WWOX: variants seen among roughly 807,000 people sequenced by gnomAD.
WWOX encodes the protein WW domain containing oxidoreductase, also known as WW domain-containing oxidoreductase.
A neutral mutation model predicts 46.2 loss-of-function variants in WWOX; 69 were observed. That is an observed-to-expected ratio of 1.49 (90% CI 1.23 to 1.82). WWOX has a LOEUF of 1.82. Ranked by LOEUF, WWOX falls within the 40% of genes most tolerant of loss-of-function variation. The pLI is 0.00. For missense variants in WWOX, 919 were observed against 542.6 expected (o/e 1.69, Z -6.89); for synonymous variants, 359 against 202.6 (o/e 1.77, Z -6.56).
chr16:78,862,130 C>T (rs28544572), intron 8 of WWOX, among the ~76,000 whole-genome samples: 2 of 151,462 alleles, frequency 1.3e-5, no homozygotes, highest in South Asian at 2.1e-4. Context: ...GTGTGTCTAT[C>T]TATATCTATA....
rs139370836 is a variant in WWOX at position 78,546,868 on chromosome 16, C to T, written c.1056+114116C>T. 1.4e-4 allele frequency among the ~76,000 whole-genome samples: 21 copies of T among 152,102 alleles called. No individual in the cohort carries two copies. In the South Asian group the frequency reaches 1.7e-3, roughly 12 times the overall value. On this transcript the variant is annotated intron_variant, in intron 8 of 8. Coordinates refer to ENST00000566780, the MANE Select transcript of WWOX (RefSeq NM_016373.4). ...TGGGCCAGGCCCGGTGGCTCATGCC[C>T]GTAATCTTAGCACTTTGGGAGGCTG...
At chr16:78,489,753 G>A (rs1205399168) in intron 8 of WWOX, among the ~76,000 whole-genome samples, 1 of 152,010 alleles carries the variant, frequency 6.6e-6, no homozygotes, top group African/African-American at 2.4e-5. Flanking sequence ...ATGGCTCAAG[G>A]GGAGTTTGGA....
chr16:79,186,719 A>G lies in WWOX; in HGVS notation c.1057-24889A>G, dbSNP rs185112136. 4.6e-5 allele frequency among the ~76,000 whole-genome samples: 7 copies of G among 152,108 alleles called. No individual in the cohort carries two copies. In the East Asian group the frequency reaches 1.4e-3, roughly 29 times the overall value. ...CTCCTGTAAACAGTACAGTTGCCATACCTCAAGTATCTAGTATACTTGGGA... is the reference window on the plus strand; with the variant it reads ...CTCCTGTAAACAGTACAGTTGCCATGCCTCAAGTATCTAGTATACTTGGGA... On this transcript the variant is annotated intron_variant, in intron 8 of 8. Coordinates refer to ENST00000566780, the MANE Select transcript of WWOX (RefSeq NM_016373.4).
At chr16:79,041,003 A>G (rs7190808) in intron 8 of WWOX, among the ~76,000 whole-genome samples, 4,626 of 151,986 alleles carry the variant, frequency 0.03, 175 homozygotes, top group African/African-American at 0.088. Flanking sequence ...CTAGCAGACA[A>G]GTGCATCAGA....
chr16:78,927,019 C>A (rs1025251502), intron 8 of WWOX, among the ~76,000 whole-genome samples: 3 of 152,178 alleles, frequency 2.0e-5, no homozygotes, highest in Non-Finnish European at 2.9e-5. Flanking sequence ...TGGTTTTAAA[C>A]TCTTGAGCTC....
In WWOX at chr16:78,548,177, AAT is replaced by A. The variant is rs869032900; in HGVS notation, c.1056+115426_1056+115427del. Among the ~76,000 whole-genome samples the A allele has an allele frequency of 3.6e-4, 34 of 95,070 alleles. 4 individuals are homozygous for A. The highest frequency in any genetic ancestry group is 9.6e-4 in the African/African-American group (31 of 32,206). The allele number at this position is 95,070 out of a possible 152,430, so 62.4% of individuals were successfully genotyped here. Reference sequence around the variant, plus strand: ...CAAAAAAAAAAAAAAAAAAAAAAAAAATTACGAATTTTGCGAGGACGCAAACA... The same window carrying A: ...CAAAAAAAAAAAAAAAAAAAAAAAAATACGAATTTTGCGAGGACGCAAACA... On this transcript the variant is annotated intron_variant, in intron 8 of 8. Coordinates refer to ENST00000566780, the MANE Select transcript of WWOX (RefSeq NM_016373.4).
At chr16:78,791,458 T>C (rs2050597912) in intron 8 of WWOX, among the ~76,000 whole-genome samples, 1 of 152,190 alleles carries the variant, frequency 6.6e-6, no homozygotes, top group Non-Finnish European at 1.5e-5. Context: ...CAGGGCTGGC[T>C]GAGTGACTCC....
At chr16:78,861,408 G>T (rs1292717956) in intron 8 of WWOX, among the ~76,000 whole-genome samples, 1 of 152,130 alleles carries the variant, frequency 6.6e-6, no homozygotes, top group African/African-American at 2.4e-5. Context: ...AGTTGACAGA[G>T]AGTATAATTA....
chr16:79,089,747 G>T lies in WWOX; in HGVS notation c.1057-121861G>T, dbSNP rs1261291941. On this transcript the variant is annotated intron_variant, in intron 8 of 8. Transcript: ENST00000566780. ...TGGTAAACAGATTACCATATTAGTT[G>T]CCCAGACCTTGCAAAACTTCATAGT... Among the ~76,000 whole-genome samples the T allele has an allele frequency of 3.9e-5, 6 of 152,146 alleles. No individual in the cohort carries two copies. In the South Asian group the frequency reaches 8.3e-4, roughly 21 times the overall value.
chr16:78,905,791 A>T (rs4888874), intron 8 of WWOX, among the ~76,000 whole-genome samples: 1 of 152,002 alleles, frequency 6.6e-6, no homozygotes, highest in Non-Finnish European at 1.5e-5. Context: ...TTTAAAACCA[A>T]CTTCTTAGAA....
chr16:78,514,025 C>G (rs1260881827), intron 8 of WWOX, among the ~76,000 whole-genome samples: 1 of 151,718 alleles, frequency 6.6e-6, no homozygotes, highest in Non-Finnish European at 1.5e-5. Context: ...TTGTATGTCA[C>G]AATTTTCTTT....
At chr16:79,164,096 C>T (rs2050543757) in intron 8 of WWOX, among the ~76,000 whole-genome samples, 1 of 152,174 alleles carries the variant, frequency 6.6e-6, no homozygotes, top group African/African-American at 2.4e-5. Context: ...AAAGCTTTTC[C>T]TCGGTGCCAC....
intron 8 of WWOX, chr16:78,757,069 G>A: frequency 1.4e-6 from 1 of 700,926 alleles, no homozygotes. Flanking sequence ...GCCTTGAGGT[G>A]ATTGCAGCCT....
intron 8 of WWOX, chr16:79,004,836 C>T (rs1052318863): frequency 6.6e-6 from 1 of 152,218 alleles, no homozygotes; most frequent in Non-Finnish European, 1.5e-5. Flanking sequence ...GGTTTTCCCT[C>T]AGCTTGCTGG....
At chr16:78,782,666 C>CTTTTTTTTTTTTTTTTT (rs59862391) in intron 8 of WWOX, among the ~76,000 whole-genome samples, 1 of 131,852 alleles carries the variant, frequency 7.6e-6, no homozygotes, top group Non-Finnish European at 1.6e-5. Flanking sequence ...TTTTCTATAT[C>CTTTTTTTTTTTTTTTTT]TTTTTTTTTT....
At chr16:78,099,982 G>T in intron 1 of WWOX, 97 bp downstream of exon 1, 6 of 1,518,618 alleles carry the variant, frequency 4.0e-6, no homozygotes, top group Non-Finnish European at 5.3e-6. Flanking sequence ...AGCGCAGCGC[G>T]TGCGGTGCAA....
intron 8 of WWOX, among the ~76,000 whole-genome samples, chr16:78,493,385 G>T (rs62036392): frequency 6.6e-6 from 1 of 152,084 alleles, no homozygotes; most frequent in African/African-American, 2.4e-5. Context: ...TCATTTAGGC[G>T]TGGCTTGATT....
intron 8 of WWOX, among the ~76,000 whole-genome samples, chr16:78,693,340 C>G (rs1567495553): frequency 6.6e-6 from 1 of 152,152 alleles, no homozygotes; most frequent in Non-Finnish European, 1.5e-5. Context: ...AGAGGAATTT[C>G]TCAGTGTTCC....
chr16:78,793,876 G>A (rs1457149989), intron 8 of WWOX, among the ~76,000 whole-genome samples: 1 of 151,392 alleles, frequency 6.6e-6, no homozygotes, highest in African/African-American at 2.4e-5. Flanking sequence ...AGGAGTTCAA[G>A]ACCTCCTCAT....
Sources: gnomAD v4.1 joint callset for allele counts (sites outside exome capture counted in the v4.1 genomes callset) on GRCh38, gnomAD v4.1.1 for gene constraint, MANE v1.5 for transcripts, NCBI Gene and HGNC (gene_info 2026-07-23, HGNC 2026-07-21) for gene names.